Variants in RAD51B observed in about 807,000 individuals in gnomAD.
The protein encoded by RAD51B is DNA repair protein RAD51 homolog 2.
A neutral mutation model predicts 42.2 loss-of-function variants in RAD51B; 38 were observed. That is an observed-to-expected ratio of 0.90 (90% confidence interval 0.70 to 1.18). RAD51B has a LOEUF of 1.18. Ranked by LOEUF, RAD51B falls within the 50% of genes most tolerant of loss-of-function variation. The probability of loss-of-function intolerance (pLI) is 0.00; values close to 1 mark genes in which losing one functional copy is unlikely to be tolerated. For missense variants in RAD51B, 373 were observed against 400.7 expected (o/e 0.93, Z 0.59); for synonymous variants, 154 against 145.2 (o/e 1.06, Z -0.43).
At chr14:68,309,416 A>C (rs183063676) in intron 8 of RAD51B, among the ~76,000 whole-genome samples, 4 of 152,232 alleles carry the variant, frequency 2.6e-5, no homozygotes, top group Non-Finnish European at 4.4e-5. Flanking sequence ...AAGGATCAGC[A>C]AATGAGAGTC....
chr14:67,958,059 GTTGAT>G (rs1291737269), intron 7 of RAD51B, among the ~76,000 whole-genome samples: 1 of 152,132 alleles, frequency 6.6e-6, no homozygotes, highest in African/African-American at 2.4e-5. Flanking sequence ...TTTAGCTGTT[GTTGAT>G]TTATTTCTGG....
At chr14:68,122,460 A>C (rs563632340) in intron 7 of RAD51B, among the ~76,000 whole-genome samples, 81 of 152,298 alleles carry the variant, frequency 5.3e-4, no homozygotes, top group Non-Finnish European at 1.0e-3. Context: ...TTTAAGAAAA[A>C]GATATCAGAC....
At chr14:68,136,365 G>T (rs2078010274) in intron 7 of RAD51B, among the ~76,000 whole-genome samples, 1 of 19,700 alleles carries the variant, frequency 5.1e-5, no homozygotes. Context: ...GGATCACGAG[G>T]TCAAGAGATC....
chr14:68,552,356 A>T (rs1329130449), intron 10 of RAD51B, among the ~76,000 whole-genome samples: 1 of 152,194 alleles, frequency 6.6e-6, no homozygotes, highest in Non-Finnish European at 1.5e-5. Flanking sequence ...GTGTAGCAAC[A>T]CTGGCCCTCA....
intron 7 of RAD51B, among the ~76,000 whole-genome samples, chr14:68,008,185 G>A (rs1157222481): frequency 6.6e-6 from 1 of 151,810 alleles, no homozygotes; most frequent in Non-Finnish European, 1.5e-5. Context: ...TACATACAGT[G>A]ATACTCATGC....
chr14:68,322,109 C>T (rs1405333885), intron 8 of RAD51B, among the ~76,000 whole-genome samples: 1 of 152,150 alleles, frequency 6.6e-6, no homozygotes, highest in East Asian at 1.9e-4. Context: ...TAGAACAGTG[C>T]TTAGCATGTA....
intron 10 of RAD51B, among the ~76,000 whole-genome samples, chr14:68,535,077 C>G (rs1434357749): frequency 1.3e-5 from 2 of 152,124 alleles, no homozygotes; most frequent in Non-Finnish European, 2.9e-5. Flanking sequence ...CACTCTAGCT[C>G]TGGTTTGGTT....
chr14:68,602,545 G>GATAT (rs1316522987), intron 10 of RAD51B, among the ~76,000 whole-genome samples: 1 of 152,062 alleles, frequency 6.6e-6, no homozygotes, highest in African/African-American at 2.4e-5. Context: ...TAGATAGATA[G>GATAT]ATAATACATG....
chr14:68,340,824 C>T (rs989277951), intron 8 of RAD51B, among the ~76,000 whole-genome samples: 2 of 152,212 alleles, frequency 1.3e-5, no homozygotes, highest in African/African-American at 4.8e-5. Context: ...CTCTCTAGGA[C>T]ATTGAAATCT....
chr14:67,998,859 G>A (rs2075431555), intron 7 of RAD51B, among the ~76,000 whole-genome samples: 2 of 152,088 alleles, frequency 1.3e-5, no homozygotes, highest in South Asian at 4.2e-4. Context: ...TTGTTCTTAT[G>A]GAATTTACTC....
intron 8 of RAD51B, among the ~76,000 whole-genome samples, chr14:68,345,953 C>T (rs9323507): frequency 0.099 from 15,132 of 152,240 alleles, 877 homozygotes; most frequent in African/African-American, 0.15. Context: ...TGTGCCTGGG[C>T]AGTTATTTGT....
At chr14:68,583,920 A>T (rs1004228731) in intron 10 of RAD51B, among the ~76,000 whole-genome samples, 2 of 152,182 alleles carry the variant, frequency 1.3e-5, no homozygotes, top group Non-Finnish European at 1.5e-5. Flanking sequence ...GCTGGAGGTG[A>T]GCCAGAGCAG....
chr14:67,837,444 C>A lies in RAD51B; in HGVS notation c.315+2248C>A, dbSNP rs1476708336. ...TATTAATTATTTTTTAAAATCCAAA[C>A]AGAAGTTACAAGCCTTTTAGGTGTT... On this transcript the variant is annotated intron_variant, in intron 4 of 10. Coordinates refer to ENST00000471583, the MANE Select transcript of RAD51B (RefSeq NM_133510.4). 3.3e-5 allele frequency among the ~76,000 whole-genome samples: 5 copies of A among 152,150 alleles called. No individual in the cohort carries two copies. The East Asian group carries it at 9.6e-4, about 29-fold the overall frequency.
In RAD51B at chr14:68,312,307, A is replaced by G. The variant is rs748938350; in HGVS notation, c.853+20327A>G. On this transcript the variant is annotated intron_variant, in intron 8 of 10. Coordinates refer to ENST00000471583, the MANE Select transcript of RAD51B (RefSeq NM_133510.4). Reference sequence around the variant, plus strand: ...TGTGATATCCATGCATGTTCGGAGCAGAATGTATAACGGATCCACCGTTCT... The same window carrying G: ...TGTGATATCCATGCATGTTCGGAGCGGAATGTATAACGGATCCACCGTTCT... Among the ~76,000 whole-genome samples the G allele has an allele frequency of 2.6e-5, 4 of 152,256 alleles. No homozygotes were observed. In the East Asian group the frequency reaches 7.7e-4, roughly 29 times the overall value.
chr14:68,277,078 C>T (rs2139608600), intron 7 of RAD51B, among the ~76,000 whole-genome samples: 1 of 152,306 alleles, frequency 6.6e-6, no homozygotes, highest in Non-Finnish European at 1.5e-5. Context: ...TGCAATCTCA[C>T]TCTGAACCTC....
At chr14:68,491,113 C>G (rs939761235) in intron 10 of RAD51B, among the ~76,000 whole-genome samples, 2 of 152,204 alleles carry the variant, frequency 1.3e-5, no homozygotes, top group Non-Finnish European at 2.9e-5. Flanking sequence ...TCCTAAGGCA[C>G]CCTGCCCAGT....
At chr14:68,572,456 G>T (rs2140042367) in intron 10 of RAD51B, among the ~76,000 whole-genome samples, 1 of 152,362 alleles carries the variant, frequency 6.6e-6, no homozygotes, top group Non-Finnish European at 1.5e-5. Flanking sequence ...TTGCTCACTT[G>T]CCCTGAGCTG....
intron 10 of RAD51B, among the ~76,000 whole-genome samples, chr14:68,476,796 C>T (rs1169223938): frequency 6.6e-6 from 1 of 152,212 alleles, no homozygotes; most frequent in Non-Finnish European, 1.5e-5. Flanking sequence ...TTTGAAAAAT[C>T]TTCCTATCTA....
At chr14:68,141,231 A>G (rs2078121414) in intron 7 of RAD51B, among the ~76,000 whole-genome samples, 1 of 152,212 alleles carries the variant, frequency 6.6e-6, no homozygotes, top group South Asian at 2.1e-4. Context: ...GTTATTTATG[A>G]TAAGATGTTA....
Sources: allele counts gnomAD v4.1 joint callset (sites outside exome capture counted in the v4.1 genomes callset), GRCh38; gene constraint gnomAD v4.1.1; transcripts MANE v1.5; gene names NCBI Gene and HGNC (gene_info 2026-07-23, HGNC 2026-07-21).